Variants in NPSR1 observed in about 807,000 individuals in gnomAD.
NPSR1 encodes neuropeptide S receptor 1.
In NPSR1, 48 loss-of-function variants were observed where a neutral mutation model predicts 46.9. The observed-to-expected ratio is 1.02, with a 90% CI of 0.81 to 1.30. NPSR1 has a LOEUF of 1.30. NPSR1 is among the 50% of genes most tolerant of loss of function. The pLI is 0.00. For missense variants in NPSR1, 450 were observed against 449.5 expected (o/e 1.00, Z -0.01); for synonymous variants, 176 against 168.1 (o/e 1.05, Z -0.36).
intron 2 of NPSR1, among the ~76,000 whole-genome samples, chr7:34,700,325 A>C (rs1204478866): frequency 6.6e-6 from 1 of 152,186 alleles, no homozygotes; most frequent in Non-Finnish European, 1.5e-5. Flanking sequence ...CTGGGTAGGC[A>C]AGGTAGGGTG....
At chr7:34,757,855 C>T (rs1785949510) in intron 2 of NPSR1, among the ~76,000 whole-genome samples, 2 of 152,318 alleles carry the variant, frequency 1.3e-5, no homozygotes, top group South Asian at 4.1e-4. Context: ...TTACTTTGCC[C>T]CAGTATGGGG....
chr7:34,696,092 A>AC (rs1554308236), intron 2 of NPSR1, among the ~76,000 whole-genome samples: 4 of 151,758 alleles, frequency 2.6e-5, no homozygotes, highest in African/African-American at 9.7e-5. Context: ...AAAAAAAAAA[A>AC]AAAAAACTGC....
chr7:34,819,153 T>A (rs772307129), intron 4 of NPSR1, among the ~76,000 whole-genome samples: 2 of 151,850 alleles, frequency 1.3e-5, no homozygotes, highest in African/African-American at 2.4e-5. Flanking sequence ...TGGGAGAAAA[T>A]TTTTGCAATC....
Position 34,756,241 on chromosome 7 carries a change from T to C in NPSR1, c.281-22221T>C, listed in dbSNP as rs182741808. On this transcript the variant is annotated intron_variant, in intron 2 of 8. Transcript: ENST00000360581. Reference sequence around the variant, plus strand: ...CTCTTGAACATGAAAGAGAGTGAGATTGGATTTTTGTTAAGATGAAAGAAA... The same window carrying C: ...CTCTTGAACATGAAAGAGAGTGAGACTGGATTTTTGTTAAGATGAAAGAAA... Among the ~76,000 whole-genome samples, 26 of 152,332 alleles carry C rather than the reference T, an allele frequency of 1.7e-4. 1 individual carries two copies. Among genetic ancestry groups the C allele is most frequent in the Admixed American group, 7.8e-4 (12 of 15,298 alleles).
intron 1 of NPSR1, among the ~76,000 whole-genome samples, chr7:34,665,816 A>ACG (rs1197516196): frequency 6.6e-6 from 1 of 152,088 alleles, no homozygotes; most frequent in African/African-American, 2.4e-5. Context: ...ACGCATACAC[A>ACG]CACACCCATG....
rs577186339 is a variant in NPSR1, at chr7:34,823,399, G to GAAAAAAAAAAAAAAAAAA, written c.479-3985_479-3984insAAAAAAAAAAAAAAAAAA. 7.3e-3 allele frequency among the ~76,000 whole-genome samples: 492 copies of GAAAAAAAAAAAAAAAAAA among 67,774 alleles called. 32 individuals carry two copies. Among genetic ancestry groups the GAAAAAAAAAAAAAAAAAA allele is most frequent in the East Asian group, 0.014 (23 of 1,650 alleles). The allele number at this position is 67,774 out of a possible 152,430, so 44.5% of individuals were successfully genotyped here. ...TTGGCAACAGAGCAAGACTTCACCA[G>GAAAAAAAAAAAAAAAAAA]AAAAAAAAAAAAAAAAACAACACCA... On this transcript the variant is annotated intron_variant, in intron 4 of 8. Coordinates refer to ENST00000360581, the MANE Select transcript of NPSR1 (RefSeq NM_207172.2).
At chr7:34,774,636 C>A (rs575526743) in intron 2 of NPSR1, among the ~76,000 whole-genome samples, 1 of 152,256 alleles carries the variant, frequency 6.6e-6, no homozygotes, top group South Asian at 2.1e-4. Context: ...GCCCTAGGGG[C>A]CTGCATTCTG....
intron 2 of NPSR1, among the ~76,000 whole-genome samples, chr7:34,769,841 G>A (rs901872590): frequency 1.3e-4 from 20 of 152,144 alleles, no homozygotes; most frequent in African/African-American, 4.1e-4. Flanking sequence ...TCTTTCACAG[G>A]ACAAATTTTT....
intron 2 of NPSR1, among the ~76,000 whole-genome samples, chr7:34,709,492 CAAA>C (rs1237587700): frequency 6.6e-6 from 1 of 152,128 alleles, no homozygotes; most frequent in Non-Finnish European, 1.5e-5. Context: ...TCATGTCCTT[CAAA>C]TCTTTCTTCA....
intron 6 of NPSR1, among the ~76,000 whole-genome samples, chr7:34,835,183 T>C (rs1467366118): frequency 6.6e-6 from 1 of 152,236 alleles, no homozygotes; most frequent in East Asian, 1.9e-4. Flanking sequence ...TATAATGTGA[T>C]AGGTCTGCAG....
At chr7:34,852,123 C>A (rs1160087177), downstream of NPSR1, among the ~76,000 whole-genome samples, 1 of 152,034 alleles carries the variant, frequency 6.6e-6, no homozygotes, top group African/African-American at 2.4e-5. Flanking sequence ...CACGGTGAAA[C>A]CCTGTCTCTA....
chr7:34,823,193 C>A (rs946637013), intron 4 of NPSR1, among the ~76,000 whole-genome samples: 4 of 151,962 alleles, frequency 2.6e-5, no homozygotes, highest in Non-Finnish European at 5.9e-5. Context: ...AAGTTTGAGA[C>A]CAGCCTGGCC....
At chr7:34,875,806 G>T (rs1477310745) in intron 8 of NPSR1, among the ~76,000 whole-genome samples, 3 of 152,028 alleles carry the variant, frequency 2.0e-5, no homozygotes, top group African/African-American at 7.3e-5. Context: ...TTTATTAAAG[G>T]ATTTCAATGG....
intron 3 of NPSR1, among the ~76,000 whole-genome samples, chr7:34,786,496 C>A (rs1344756892): frequency 2.6e-5 from 4 of 152,134 alleles, no homozygotes; most frequent in Non-Finnish European, 5.9e-5. Flanking sequence ...GATACATTCA[C>A]CTTCTCCCAT....
At chr7:34,809,482 G>C (rs954882048) in intron 3 of NPSR1, among the ~76,000 whole-genome samples, 2 of 29,492 alleles carry the variant, frequency 6.8e-5, no homozygotes, top group Non-Finnish European at 1.3e-4. Context: ...TTTTTTTTTT[G>C]AGACGGAGTC....
At chr7:34,791,071 T>G (rs1204920202) in intron 3 of NPSR1, among the ~76,000 whole-genome samples, 1 of 102,744 alleles carries the variant, frequency 9.7e-6, no homozygotes, top group African/African-American at 4.5e-5. Flanking sequence ...TATATTATAT[T>G]ATATATGTTA....
chr7:34,693,054 T>C (rs1793344898), intron 2 of NPSR1, among the ~76,000 whole-genome samples: 1 of 152,182 alleles, frequency 6.6e-6, no homozygotes, highest in East Asian at 1.9e-4. Context: ...TGAGCTTTTG[T>C]GAGATCTGGT....
chr7:34,818,997 A>G (rs1789404706), intron 4 of NPSR1, among the ~76,000 whole-genome samples: 1 of 152,228 alleles, frequency 6.6e-6, no homozygotes, highest in African/African-American at 2.4e-5. Context: ...ACCATTCAGG[A>G]CATAGGCATG....
At chr7:34,835,705 A>G (rs982945193) in intron 6 of NPSR1, among the ~76,000 whole-genome samples, 3 of 152,202 alleles carry the variant, frequency 2.0e-5, no homozygotes, top group African/African-American at 7.2e-5. Flanking sequence ...ATTCAGTTCA[A>G]TTCTTCTGTA....
Sources: allele counts gnomAD v4.1 joint callset (sites outside exome capture counted in the v4.1 genomes callset), GRCh38; gene constraint gnomAD v4.1.1; transcripts MANE v1.5; gene names NCBI Gene and HGNC (gene_info 2026-07-23, HGNC 2026-07-21).